PDE4D: variants seen among roughly 807,000 people sequenced by gnomAD.
PDE4D encodes phosphodiesterase 4D, also known as 3',5'-cyclic-AMP phosphodiesterase 4D.
In PDE4D, 24 loss-of-function variants were observed where a neutral mutation model predicts 87.4. The observed-to-expected ratio is 0.27, with a 90% CI of 0.20 to 0.39. PDE4D has a LOEUF of 0.39. PDE4D is among the 10% of genes least tolerant of loss of function. The probability of loss-of-function intolerance (pLI) is 1.00; values close to 1 mark genes in which losing one functional copy is unlikely to be tolerated. For synonymous variants in PDE4D, 384 were observed against 383.2 expected (o/e 1.00, Z -0.02); for missense variants, 714 against 1,041.0 (o/e 0.69, Z 4.32).
In PDE4D at chr5:60,184,281, C is replaced by T. The variant is rs374762487; in HGVS notation, c.42+1276G>A. 4.9e-4 allele frequency among the ~76,000 whole-genome samples: 74 copies of T among 151,942 alleles called. 1 individual carries two copies. The highest frequency in any genetic ancestry group is 1.5e-3 in the African/African-American group (64 of 41,450). ...TTTCAGATCTCATGTCTCTGAAATT[C>T]AATAACAGAAAACATTATATGAATA... On this transcript the variant is annotated intron_variant, in intron 2 of 16. Coordinates refer to the PDE4D transcript ENST00000502484.
intron 2 of PDE4D, among the ~76,000 whole-genome samples, chr5:59,991,095 A>G (rs1762958689): frequency 1.3e-5 from 2 of 152,300 alleles, no homozygotes; most frequent in African/African-American, 2.4e-5. Context: ...GAAAAATTAA[A>G]CAGAACTGAG....
intron 1 of PDE4D, among the ~76,000 whole-genome samples, chr5:60,192,434 T>C (rs555285920): frequency 1.3e-5 from 2 of 152,258 alleles, no homozygotes; most frequent in South Asian, 4.1e-4. Flanking sequence ...ATTCAGGAAG[T>C]AACTTGAAAT....
intron 1 of PDE4D, among the ~76,000 whole-genome samples, chr5:59,755,286 A>T (rs1381763159): frequency 6.6e-6 from 1 of 152,164 alleles, no homozygotes. Context: ...CTAAACTTGA[A>T]TCTATTTTGC....
chr5:59,156,670 C>T (rs1489819528), intron 5 of PDE4D, among the ~76,000 whole-genome samples: 2 of 151,756 alleles, frequency 1.3e-5, no homozygotes, highest in Non-Finnish European at 2.9e-5. Flanking sequence ...CTCTGAATTT[C>T]TGGAAAAAGA....
chr5:59,223,176 ATAACATCTGGGGAGGG>A (rs1752940164), intron 1 of PDE4D, among the ~76,000 whole-genome samples: 1 of 152,096 alleles, frequency 6.6e-6, no homozygotes, highest in African/African-American at 2.4e-5. Context: ...TTCCAGTGTG[ATAACATCTGGGGAGGG>A]TGGAGACTGC....
At chr5:60,338,806 T>A (rs1443055926) in intron 1 of PDE4D, among the ~76,000 whole-genome samples, 1 of 152,092 alleles carries the variant, frequency 6.6e-6, no homozygotes, top group East Asian at 1.9e-4. Context: ...ACAAAAATTA[T>A]ATGCTGAGGT....
chr5:59,911,932 G>A (rs1223162438), intron 3 of PDE4D, among the ~76,000 whole-genome samples: 3 of 151,932 alleles, frequency 2.0e-5, no homozygotes, highest in African/African-American at 7.3e-5. Context: ...TTTATTTTTT[G>A]TATAAATTAT....
intron 1 of PDE4D, among the ~76,000 whole-genome samples, chr5:60,288,177 C>A (rs918563373): frequency 6.6e-6 from 1 of 152,164 alleles, no homozygotes; most frequent in Admixed American, 6.5e-5. Context: ...CATTTTTCCC[C>A]CTCAAATCTG....
intron 1 of PDE4D, among the ~76,000 whole-genome samples, chr5:59,388,297 C>T (rs965328279): frequency 3.9e-5 from 6 of 151,908 alleles, no homozygotes; most frequent in Admixed American, 6.6e-5. Context: ...CAAACTAAAA[C>T]CACAATGAGA....
At chr5:59,583,484 C>T (rs1824562030) in intron 1 of PDE4D, among the ~76,000 whole-genome samples, 1 of 152,160 alleles carries the variant, frequency 6.6e-6, no homozygotes, top group African/African-American at 2.4e-5. Flanking sequence ...CTTTGTTTGG[C>T]TTGGCAGTAA....
chr5:59,251,541 G>T (rs1287555917), intron 1 of PDE4D, among the ~76,000 whole-genome samples: 4 of 152,122 alleles, frequency 2.6e-5, no homozygotes, highest in Non-Finnish European at 5.9e-5. Flanking sequence ...TGCTAGCAAG[G>T]TTGTAGAGAA....
intron 3 of PDE4D, among the ~76,000 whole-genome samples, chr5:59,971,644 G>A (rs888012361): frequency 4.6e-5 from 7 of 152,108 alleles, no homozygotes; most frequent in South Asian, 2.1e-4. Context: ...ACTTTGCCAC[G>A]GACATCTCAA....
At chr5:60,181,378 C>T (rs1784364758) in intron 2 of PDE4D, among the ~76,000 whole-genome samples, 1 of 152,044 alleles carries the variant, frequency 6.6e-6, no homozygotes, top group African/African-American at 2.4e-5. Flanking sequence ...AGATGGGCTC[C>T]TAGCCCCCAG....
intron 2 of PDE4D, among the ~76,000 whole-genome samples, chr5:60,147,242 C>G (rs969414259): frequency 6.6e-6 from 1 of 152,194 alleles, no homozygotes; most frequent in East Asian, 1.9e-4. Flanking sequence ...CCCAGAACAC[C>G]TTTGAAAGTT....
intron 1 of PDE4D, among the ~76,000 whole-genome samples, chr5:60,468,139 T>TTTTTTTTTTTTTTTTTTTTTTTTTTTTG (rs1561288697): frequency 6.9e-6 from 1 of 145,444 alleles, no homozygotes; most frequent in African/African-American, 2.7e-5. Flanking sequence ...TCTTTTTTCT[T>TTTTTTTTTTTTTTTTTTTTTTTTTTTTG]TTTTTTTTGT....
chr5:59,488,117 A>G (rs2153658981), intron 1 of PDE4D, among the ~76,000 whole-genome samples: 1 of 146,058 alleles, frequency 6.8e-6, no homozygotes, highest in African/African-American at 2.6e-5. Flanking sequence ...GTCACTATTT[A>G]CCCGTGGAGA....
chr5:60,102,965 A>T (rs1776382393), intron 2 of PDE4D, among the ~76,000 whole-genome samples: 1 of 151,070 alleles, frequency 6.6e-6, no homozygotes, highest in Non-Finnish European at 1.5e-5. Context: ...CATTTTACTA[A>T]AGAAGAAATG....
chr5:60,082,869 G>T (rs1005765451), intron 2 of PDE4D, among the ~76,000 whole-genome samples: 1 of 152,018 alleles, frequency 6.6e-6, no homozygotes, highest in Non-Finnish European at 1.5e-5. Flanking sequence ...CATGCTGCTC[G>T]CTCTACTTAA....
At chr5:60,452,623 A>C (rs1257491046) in intron 1 of PDE4D, among the ~76,000 whole-genome samples, 2 of 152,092 alleles carry the variant, frequency 1.3e-5, no homozygotes, top group Non-Finnish European at 2.9e-5. Context: ...CATGAAGCAA[A>C]ACGTAATAAC....
Sources: gnomAD v4.1 joint callset for allele counts (sites outside exome capture counted in the v4.1 genomes callset) on GRCh38, gnomAD v4.1.1 for gene constraint, MANE v1.5 for transcripts, NCBI Gene and HGNC (gene_info 2026-07-23, HGNC 2026-07-21) for gene names.